HCFC1R1: variants seen among roughly 807,000 people sequenced by gnomAD.
The protein encoded by HCFC1R1 is host cell factor C1 regulator 1.
In HCFC1R1, 17 loss-of-function variants were observed where a neutral mutation model predicts 13.3. That is an observed-to-expected ratio of 1.28 (90% CI 0.87 to 1.91). The LOEUF (loss-of-function observed/expected upper bound fraction) is 1.91. HCFC1R1 is among the 40% of genes most tolerant of loss of function. The pLI is 0.00. For synonymous variants in HCFC1R1, 87 were observed against 71.1 expected (o/e 1.22, Z -1.12); for missense variants, 218 against 177.9 (o/e 1.23, Z -1.28).
intron 3 of HCFC1R1, 62 bp from the exon 4 acceptor site, chr16:3,023,060 C>T: frequency 6.4e-7 from 1 of 1,559,844 alleles, no homozygotes; most frequent in South Asian, 1.2e-5. Flanking sequence ...GCACCTCCCA[C>T]CAGGTCCAGG....
In HCFC1R1 at chr16:3,022,884, A is replaced by G. The variant is rs1300826564; in HGVS notation, c.396T>C (p.Ala132=). The change falls in exon 4 of 4, where the codon GCT becomes GCC. Residue 132 remains alanine, a synonymous_variant. Coordinates refer to ENST00000248089, the MANE Select transcript of HCFC1R1 (RefSeq NM_017885.4). ...GCACTCAGAGCTCCATTATGTCCCC[A>G]GCTGGGGTTGCAGGGTAGGGGGGAC... ...TPSPPYPATP[A]GDIMEL 2.6e-6 allele frequency: 4 copies of G among 1,534,048 alleles called. No individual in the cohort carries two copies. The highest frequency in any genetic ancestry group is 3.5e-6 in the Non-Finnish European group (4 of 1,152,212).
upstream of HCFC1R1, chr16:3,024,129 G>A (rs1463545611): frequency 4.3e-5 from 31 of 721,984 alleles, no homozygotes; most frequent in Non-Finnish European, 6.9e-5. Flanking sequence ...CCGGCTTAAG[G>A]GGGCTGCGGT....
rs771818469 is a variant in HCFC1R1 at position 3,023,346 on chromosome 16, C to A, written c.168G>T (p.Lys56Asn). ...CCATGTTCTCCTCAGACAGAAACTG[C>A]TTGCGCAGAGGCTCCCTGGGGAGAG... Reference protein sequence around the residue: ...RLEEEQEPLRKQFLSEENMAT... With the variant: ...RLEEEQEPLRNQFLSEENMAT... Residue 56 changes from lysine to asparagine, a missense_variant, in exon 3 of 4, where the codon AAG (lysine) becomes AAT (asparagine). Lys to Asn is a moderately conservative substitution (Grantham distance 94). Transcript: ENST00000248089. 3.1e-6 allele frequency: 5 copies of A among 1,607,680 alleles called. No individual in the cohort carries two copies. The East Asian group carries it at 1.1e-4, about 36-fold the overall frequency.
rs937709596 is a variant in HCFC1R1 at position 3,023,874 on chromosome 16, A to C, written c.68T>G (p.Leu23Trp). The change falls in exon 1 of 4, where the codon TTG becomes TGG. Residue 23 changes from leucine to tryptophan, a missense_variant. Leu to Trp is a moderately conservative substitution (Grantham distance 61, BLOSUM62 -2). Transcript: ENST00000248089. ...GGAQRLPRAA[L>W]GVTWGLDASS... ...GGCGTCCAGGCCCCAAGTCACCCCC[A>C]AGGCGGCCCGCGGGAGGCGCTGGGC... 5.2e-6 allele frequency: 8 copies of C among 1,551,534 alleles called. No individual in the cohort carries two copies. Among genetic ancestry groups the C allele is most frequent in the East Asian group, 2.4e-5 (1 of 42,118 alleles).
chr16:3,024,033 G>A (rs1567412288), upstream of HCFC1R1: 3 of 1,051,140 alleles, frequency 2.9e-6, no homozygotes, highest in East Asian at 2.6e-5. Context: ...CTTTAGGCGG[G>A]CACAGCCGCG....
upstream of HCFC1R1, chr16:3,024,045 G>T: frequency 1.0e-6 from 1 of 958,812 alleles, no homozygotes; most frequent in Non-Finnish European, 1.5e-6. Context: ...ACAGCCGCGA[G>T]GTTCTGCGCG....
chr16:3,023,416 T>C (rs771904406), intron 2 of HCFC1R1, 55 bp from the exon 3 acceptor site: 1 of 1,613,764 alleles, frequency 6.2e-7, no homozygotes, highest in Non-Finnish European at 8.5e-7. Flanking sequence ...AGGCAGCCTG[T>C]TGGGGACCAG....
In HCFC1R1 at chr16:3,023,719, C is replaced by T. The variant is rs2031503870; in HGVS notation, c.95+128G>A. The T allele has an allele frequency of 2.9e-6, 3 of 1,029,032 alleles. No homozygotes were observed. The African/African-American group carries it at 4.8e-5, about 16-fold the overall frequency. The allele number at this position is 1,029,032 out of a possible 1,614,324, so 63.7% of individuals were successfully genotyped here. On this transcript the variant is annotated intron_variant, in intron 1 of 3. Coordinates refer to ENST00000248089, the MANE Select transcript of HCFC1R1 (RefSeq NM_017885.4). ...TCGACCCTCAGCCGCAGCCCCAGTC[C>T]CATCTCAGCTCACGCCTAAGCCCCG...
upstream of HCFC1R1, chr16:3,024,086 G>A: frequency 5.2e-6 from 4 of 764,172 alleles, no homozygotes; most frequent in South Asian, 3.6e-5. Flanking sequence ...CGTGGCGGAA[G>A]GCAGGCTTGC....
In HCFC1R1 at chr16:3,023,473, C is replaced by G; in HGVS notation, c.152+1G>C. The G allele has an allele frequency of 2.5e-6, 4 of 1,613,180 alleles. No homozygotes were observed. The highest frequency in any genetic ancestry group is 3.4e-6 in the Non-Finnish European group (4 of 1,179,580). ...GAGTCCCTCCCTGCCCCCAAACTCACTGCTCCTCCTCCAGGCGCCGCTTGG... is the reference window on the plus strand; with the variant it reads ...GAGTCCCTCCCTGCCCCCAAACTCAGTGCTCCTCCTCCAGGCGCCGCTTGG... On this transcript the variant is annotated splice_donor_variant, in intron 2 of 3. Transcript: ENST00000248089. LOFTEE classifies it high-confidence loss of function.
At chr16:3,023,132 G>A in intron 3 of HCFC1R1, 101 bp downstream of exon 3, 2 of 1,503,948 alleles carry the variant, frequency 1.3e-6, no homozygotes, top group Middle Eastern at 2.1e-4. Context: ...ACAACCCAGA[G>A]GTCAGCTAGA....
upstream of HCFC1R1, chr16:3,024,204 G>T: frequency 4.0e-6 from 5 of 1,255,428 alleles, no homozygotes; most frequent in Non-Finnish European, 5.7e-6. Context: ...GTTCGGGACG[G>T]TACGCACCAG....
chr16:3,024,107 G>A (rs1032781754), upstream of HCFC1R1: 46 of 712,504 alleles, frequency 6.5e-5, no homozygotes, highest in Non-Finnish European at 9.5e-5. Context: ...TCCTCGGGGT[G>A]GGGGAGGGTA....
upstream of HCFC1R1, chr16:3,024,129 G>C (rs1463545611): frequency 2.8e-6 from 2 of 721,984 alleles, no homozygotes; most frequent in Admixed American, 2.6e-5. Context: ...CCGGCTTAAG[G>C]GGGCTGCGGT....
upstream of HCFC1R1, chr16:3,024,186 C>T (rs1433771884): frequency 1.9e-6 from 2 of 1,039,912 alleles, no homozygotes; most frequent in Non-Finnish European, 2.9e-6. Context: ...CTCACCTCGG[C>T]TCCTAGGGTT....
upstream of HCFC1R1, chr16:3,024,170 G>A: frequency 1.1e-6 from 1 of 886,870 alleles, no homozygotes; most frequent in Non-Finnish European, 1.8e-6. Flanking sequence ...GGGGGTCTTC[G>A]CGGCGCTCAC....
In HCFC1R1 at chr16:3,023,224, G is replaced by C. The variant is rs150529156; in HGVS notation, c.281+9C>G. 6.3e-3 allele frequency: 9,689 copies of C among 1,545,458 alleles called. 65 individuals are homozygous for C. The highest frequency in any genetic ancestry group is 0.02 in the Middle Eastern group (110 of 5,594). ...TTCTGCAGAAGGCCTGGCCAGTGGA[G>C]GAACCTACCTGAGTGGGGGCAGGGC... On this transcript the variant is annotated intron_variant, in intron 3 of 3. Transcript: ENST00000248089.
At chr16:3,023,419 G>A in intron 2 of HCFC1R1, 55 bp downstream of exon 2, 1 of 1,613,858 alleles carries the variant, frequency 6.2e-7, no homozygotes, top group Non-Finnish European at 8.5e-7. Context: ...CAGCCTGTTG[G>A]GGACCAGAGG....
chr16:3,024,010 A>G (rs1419150059), upstream of HCFC1R1: 2 of 1,225,716 alleles, frequency 1.6e-6, no homozygotes, highest in Non-Finnish European at 2.3e-6. Context: ...TGGCCAAGAG[A>G]GGATGGGCGT....
Sources: allele counts gnomAD v4.1 joint callset, GRCh38; gene constraint gnomAD v4.1.1; transcripts MANE v1.5; gene names NCBI Gene and HGNC (gene_info 2026-07-23, HGNC 2026-07-21).